Variants in RBFOX2 observed in about 807,000 individuals in gnomAD.
RBFOX2 encodes RNA binding fox-1 homolog 2.
Under a neutral mutation model 49.1 loss-of-function variants are expected in RBFOX2, and 10 were observed. The observed-to-expected ratio is 0.20, with a 90% CI of 0.13 to 0.35. RBFOX2 has a LOEUF of 0.35. Among genes scored for constraint, RBFOX2 ranks in the 10% least tolerant of loss-of-function variants. The probability of loss-of-function intolerance (pLI) is 1.00; values close to 1 mark genes in which losing one functional copy is unlikely to be tolerated. For missense variants in RBFOX2, 323 were observed against 486.9 expected (o/e 0.66, Z 3.17); for synonymous variants, 183 against 187.4 (o/e 0.98, Z 0.19).
chr22:35,965,871 T>C (rs923146301), upstream of RBFOX2, among the ~76,000 whole-genome samples: 8 of 152,108 alleles, frequency 5.3e-5, no homozygotes, highest in South Asian at 2.1e-4. Context: ...TAGAAGAAAG[T>C]AAACTTTCTA....
At chr22:35,875,607 GGTGTGTGTGTGTGTGTGTGTGTGTGT>G (rs56137825) in intron 1 of RBFOX2, among the ~76,000 whole-genome samples, 218 of 117,724 alleles carry the variant, frequency 1.9e-3, no homozygotes, top group African/African-American at 5.3e-3. Flanking sequence ...TGCTCACAAG[GGTGTGTGTGTGTGTGTGTGTGTGTGT>G]GTGTGTGTGT....
At chr22:35,976,115 C>T (rs1483082408) in intron 1 of RBFOX2, among the ~76,000 whole-genome samples, 5 of 152,188 alleles carry the variant, frequency 3.3e-5, no homozygotes, top group Admixed American at 1.3e-4. Flanking sequence ...CATCCCCTCT[C>T]TTAAGGCTAT....
intron 1 of RBFOX2, among the ~76,000 whole-genome samples, chr22:36,023,261 C>CT (rs972825333): frequency 1.3e-5 from 2 of 152,142 alleles, no homozygotes; most frequent in African/African-American, 4.8e-5. Flanking sequence ...TCTGGAACCC[C>CT]TTCCCTGAAA....
Position 35,873,143 on chromosome 22 carries a change from CTTTT to C in RBFOX2, c.-33-63143_-33-63140del, listed in dbSNP as rs552605181. Among the ~76,000 whole-genome samples, 18 of 152,174 alleles carry C rather than the reference CTTTT, an allele frequency of 1.2e-4. 1 individual carries two copies. The South Asian group carries it at 3.5e-3, about 30-fold the overall frequency. ...AAATTTGTTACTGAATTGGTTGTTT[CTTTT>C]TTCTTTTTTTTGAGACACAGTCTTG... is the stretch of plus-strand genomic sequence containing the variant. On this transcript the variant is annotated intron_variant, in intron 1 of 13. Coordinates refer to the RBFOX2 transcript ENST00000359369.
At chr22:35,834,346 G>T (rs781179151) in intron 1 of RBFOX2, among the ~76,000 whole-genome samples, 9 of 152,182 alleles carry the variant, frequency 5.9e-5, no homozygotes, top group Non-Finnish European at 1.3e-4. Flanking sequence ...TGCATCATAA[G>T]CATATATAAA....
intron 4 of RBFOX2, among the ~76,000 whole-genome samples, chr22:35,769,302 A>G (rs1177264311): frequency 1.3e-5 from 2 of 152,178 alleles, no homozygotes; most frequent in South Asian, 2.1e-4. Context: ...CAGCTGGTAT[A>G]ATGACTTAGG....
chr22:36,009,013 T>C (rs951609105), intron 1 of RBFOX2, among the ~76,000 whole-genome samples: 1 of 152,104 alleles, frequency 6.6e-6, no homozygotes, highest in Non-Finnish European at 1.5e-5. Context: ...TCTACACAGC[T>C]TCAAAAAAAA....
chr22:35,761,627 T>C (rs1938907036), intron 6 of RBFOX2, among the ~76,000 whole-genome samples, 159 bp from the exon 8 acceptor site: 1 of 151,488 alleles, frequency 6.6e-6, no homozygotes, highest in Non-Finnish European at 1.5e-5. Context: ...AGAGTAACAG[T>C]AGTAGAACTA....
chr22:35,886,073 G>C (rs996025453), intron 1 of RBFOX2, among the ~76,000 whole-genome samples: 5 of 151,676 alleles, frequency 3.3e-5, no homozygotes, highest in African/African-American at 1.2e-4. Flanking sequence ...AGCCAGGATG[G>C]TCTCGATCTC....
chr22:35,879,562 T>C (rs1429649679), intron 1 of RBFOX2, among the ~76,000 whole-genome samples: 1 of 152,022 alleles, frequency 6.6e-6, no homozygotes, highest in African/African-American at 2.4e-5. Context: ...CCTGGCAAAT[T>C]TGAGGAATGG....
At chr22:35,853,808 A>G (rs1278072179) in intron 1 of RBFOX2, among the ~76,000 whole-genome samples, 1 of 152,064 alleles carries the variant, frequency 6.6e-6, no homozygotes, top group African/African-American at 2.4e-5. Context: ...TACACATTTA[A>G]ATTAGCATTA....
At chr22:35,865,756 A>C (rs1041474003) in intron 1 of RBFOX2, among the ~76,000 whole-genome samples, 1 of 152,218 alleles carries the variant, frequency 6.6e-6, no homozygotes, top group Non-Finnish European at 1.5e-5. Flanking sequence ...GGTTAGCCTA[A>C]TATAGGGTAC....
intron 1 of RBFOX2, chr22:35,897,220 G>T: frequency 8.9e-7 from 1 of 1,126,310 alleles, no homozygotes; most frequent in South Asian, 1.4e-5. Context: ...AACCACACGG[G>T]CTGACCCAAA....
intron 1 of RBFOX2, among the ~76,000 whole-genome samples, chr22:36,010,777 A>G (rs936509655): frequency 3.7e-5 from 5 of 135,140 alleles, no homozygotes; most frequent in East Asian, 2.1e-4. Context: ...ACACACACAC[A>G]CGTGTGTTTA....
chr22:36,015,500 A>G (rs752808103), intron 1 of RBFOX2, among the ~76,000 whole-genome samples: 1 of 152,254 alleles, frequency 6.6e-6, no homozygotes, highest in Non-Finnish European at 1.5e-5. Context: ...GGAAGCTTGT[A>G]TATGAGAAGC....
chr22:35,962,161 GAA>G (rs1349474083), upstream of RBFOX2, among the ~76,000 whole-genome samples: 2 of 152,222 alleles, frequency 1.3e-5, no homozygotes, highest in Non-Finnish European at 2.9e-5. Flanking sequence ...CCTCAAGGCA[GAA>G]AAGTCTTTAA....
intron 1 of RBFOX2, among the ~76,000 whole-genome samples, chr22:35,865,041 T>C (rs941362992): frequency 2.6e-5 from 4 of 152,232 alleles, no homozygotes; most frequent in Admixed American, 2.0e-4. Context: ...GAAGTATTCA[T>C]GGGTCTTTGG....
rs1290242643 is a variant in RBFOX2 at position 35,826,330 on chromosome 22, G to C, written c.27+13862C>G. Among the ~76,000 whole-genome samples the C allele has an allele frequency of 1.1e-4, 10 of 90,756 alleles. No homozygotes were observed. In the Admixed American group the frequency reaches 1.7e-3, roughly 15 times the overall value. The allele number at this position is 90,756 out of a possible 152,430, so 59.5% of individuals were successfully genotyped here. A position where few individuals can be genotyped will look rare whatever the true frequency, so the allele number is the denominator to read the frequency against. ...GCAGTCCAGCCTGGGCAACAAGAGCGAAACTCCATCTCAAAAAAAAAAAAA... is the reference window on the plus strand; with the variant it reads ...GCAGTCCAGCCTGGGCAACAAGAGCCAAACTCCATCTCAAAAAAAAAAAAA... On this transcript the variant is annotated intron_variant, in intron 1 of 11. Transcript: ENST00000405409.
intron 1 of RBFOX2, among the ~76,000 whole-genome samples, chr22:36,005,495 G>A (rs1241973213): frequency 6.6e-6 from 1 of 152,182 alleles, no homozygotes; most frequent in Non-Finnish European, 1.5e-5. Context: ...CACTTTGTGA[G>A]GACTGACAAA....
Sources: gnomAD v4.1 joint callset for allele counts (sites outside exome capture counted in the v4.1 genomes callset) on GRCh38, gnomAD v4.1.1 for gene constraint, MANE v1.5 for transcripts, NCBI Gene and HGNC (gene_info 2026-07-23, HGNC 2026-07-21) for gene names.